TMEM71: variants seen among roughly 807,000 people sequenced by gnomAD.
TMEM71 encodes transmembrane protein 71.
Under a neutral mutation model 38.0 loss-of-function variants are expected in TMEM71, and 44 were observed. The observed-to-expected ratio is 1.16, with a 90% confidence interval of 0.91 to 1.49. The LOEUF (loss-of-function observed/expected upper bound fraction) is 1.49. Ranked by LOEUF, TMEM71 falls within the 40% of genes most tolerant of loss-of-function variation. The probability of loss-of-function intolerance (pLI) is 0.00; values close to 1 mark genes in which losing one functional copy is unlikely to be tolerated. For synonymous variants in TMEM71, 133 were observed against 122.5 expected, an observed-to-expected ratio of 1.09 and a Z score of -0.56; for missense variants, 367 against 348.6, an observed-to-expected ratio of 1.05 and a Z score of -0.42.
At chr8:132,757,410 G>A (rs1829085881) in intron 2 of TMEM71, 116 bp from the exon 3 acceptor site, 7 of 697,708 alleles carry the variant, frequency 1.0e-5, no homozygotes, top group Non-Finnish European at 1.5e-5. Context: ...AAGAAGATGG[G>A]AATAGCTGAT....
intron 2 of TMEM71, 56 bp downstream of exon 2, chr8:132,758,784 A>G (rs1829171513): frequency 6.7e-7 from 1 of 1,497,948 alleles, no homozygotes; most frequent in Non-Finnish European, 9.3e-7. Flanking sequence ...GGAAATTGCT[A>G]AAAGGAGTCT....
rs747104486 is a variant in TMEM71 at position 132,747,030 on chromosome 8, A to G, written c.399T>C (p.Ser133=). ...LSTSKSWLHG[S]IFGDINSSPS... ...GAGAAGAGTTGATGTCACCAAAGAT[A>G]CTTCCATGCAGCCAAGATTTGGAGG... is the stretch of plus-strand genomic sequence containing the variant. Residue 133 remains serine, a synonymous_variant, in exon 5 of 10, where the codon AGT becomes AGC. Transcript: ENST00000677595. The G allele has an allele frequency of 1.2e-6, 2 of 1,613,834 alleles. No individual in the cohort carries two copies. The highest frequency in any genetic ancestry group is 2.2e-5 in the South Asian group (2 of 91,036).
intron 5 of TMEM71, among the ~76,000 whole-genome samples, chr8:132,733,374 G>A (rs1307311672): frequency 2.6e-5 from 4 of 152,128 alleles, no homozygotes; most frequent in African/African-American, 9.7e-5. Context: ...GTTATAACAG[G>A]GTACAGTAAC....
At chr8:132,739,317 T>C (rs1208624038) in intron 5 of TMEM71, among the ~76,000 whole-genome samples, 2 of 152,052 alleles carry the variant, frequency 1.3e-5, no homozygotes, top group Non-Finnish European at 2.9e-5. Flanking sequence ...TTTTTGTTTT[T>C]GTTTTTGTTT....
chr8:132,756,907 A>T (rs1829049693), intron 3 of TMEM71, among the ~76,000 whole-genome samples: 1 of 151,454 alleles, frequency 6.6e-6, no homozygotes, highest in East Asian at 1.9e-4. Context: ...TTTTTTTTTT[A>T]GACAAGTCTC....
chr8:132,738,403 T>C (rs1323788976), intron 5 of TMEM71, among the ~76,000 whole-genome samples: 2 of 152,194 alleles, frequency 1.3e-5, no homozygotes, highest in African/African-American at 2.4e-5. Flanking sequence ...CTATATTCTA[T>C]CTATCACTAA....
chr8:132,728,709 A>G (rs1256911560), intron 5 of TMEM71, among the ~76,000 whole-genome samples: 1 of 152,232 alleles, frequency 6.6e-6, no homozygotes, highest in Admixed American at 6.5e-5. Context: ...ACCAAACTTT[A>G]CAGCAGTCAA....
intron 2 of TMEM71, among the ~76,000 whole-genome samples, chr8:132,757,781 G>T (rs1378320878): frequency 6.8e-6 from 1 of 146,942 alleles, no homozygotes. Context: ...AGCTGAGATC[G>T]CTCCACTGCA....
chr8:132,708,674 C>A (rs1428808186), downstream of TMEM71, among the ~76,000 whole-genome samples: 1 of 152,132 alleles, frequency 6.6e-6, no homozygotes, highest in Non-Finnish European at 1.5e-5. Flanking sequence ...GACTAGATTA[C>A]CTTATGTGGC....
chr8:132,740,201 C>T (rs1469766164), intron 5 of TMEM71, among the ~76,000 whole-genome samples: 1 of 152,122 alleles, frequency 6.6e-6, no homozygotes, highest in Non-Finnish European at 1.5e-5. Flanking sequence ...TATCCCCCCT[C>T]ACTCACTCAG....
At chr8:132,721,671 TG>T (rs1826857125) in intron 7 of TMEM71, among the ~76,000 whole-genome samples, 1 of 151,736 alleles carries the variant, frequency 6.6e-6, no homozygotes, top group South Asian at 2.1e-4. Context: ...CTCAGCCTCC[TG>T]AGTAGCTGGC....
the TMEM71 span, among the ~76,000 whole-genome samples, chr8:132,766,790 A>T: frequency 1.2e-4 from 9 of 76,844 alleles, no homozygotes; most frequent in East Asian, 3.7e-4. Context: ...GTCTAAAAAA[A>T]AAAAATAAAA....
At chr8:132,756,411 T>TATATATATATATATATA (rs1554619985) in intron 3 of TMEM71, among the ~76,000 whole-genome samples, 1 of 115,836 alleles carries the variant, frequency 8.6e-6, no homozygotes, top group African/African-American at 4.1e-5. Context: ...AACATATATA[T>TATATATATATATATATA]TATATATATA....
chr8:132,741,730 T>A (rs943193730), intron 5 of TMEM71, among the ~76,000 whole-genome samples: 6 of 152,088 alleles, frequency 3.9e-5, no homozygotes, highest in Non-Finnish European at 5.9e-5. Flanking sequence ...GAATGGAACA[T>A]GAAGGCGGAC....
chr8:132,757,300 T>C lies in TMEM71; in HGVS notation c.41-6A>G. On this transcript the variant is annotated splice_polypyrimidine_tract_variant and splice_region_variant and intron_variant, in intron 2 of 9. Coordinates refer to ENST00000677595, the MANE Select transcript of TMEM71 (RefSeq NM_001382403.1). The stretch of plus-strand genomic sequence containing the variant: ...TCTTTCCAACCTGGAAGAACCTGCA[T>C]AAACAAATGAGAGAGAAGTAGAATG... The C allele has an allele frequency of 1.3e-6, 2 of 1,585,172 alleles. No homozygotes were observed. The highest frequency in any genetic ancestry group is 1.7e-6 in the Non-Finnish European group (2 of 1,163,010).
At chr8:132,772,705 T>C in the TMEM71 span, among the ~76,000 whole-genome samples, 1 of 152,156 alleles carries the variant, frequency 6.6e-6, no homozygotes, top group Non-Finnish European at 1.5e-5. Flanking sequence ...ATGACTATGA[T>C]AATATAAAAA....
downstream of TMEM71, chr8:132,709,903 A>T (rs1826155087): frequency 2.0e-5 from 3 of 152,106 alleles, no homozygotes; most frequent in Admixed American, 1.3e-4. Context: ...TTCTCAAAAA[A>T]ATATATATAT....
In TMEM71 at chr8:132,727,799, T is replaced by G; in HGVS notation, c.675A>C (p.Ser225=). The G allele has an allele frequency of 6.2e-7, 1 of 1,604,282 alleles. No homozygotes were observed. The highest frequency in any genetic ancestry group is 8.5e-7 in the Non-Finnish European group (1 of 1,175,634). ...AATATTTAAAACACCTGAACTCACC[T>G]GAATGATCCGAACTATTCTCTTGGA... ...ERFQENSSDH[S]ETRLLQEVFF... is the part of the protein sequence containing the mutation. Residue 225 remains serine (S), a splice_region_variant and synonymous_variant, in exon 6 of 10, where the codon TCA becomes TCC. Coordinates refer to ENST00000677595, the MANE Select transcript of TMEM71 (RefSeq NM_001382403.1).
upstream of TMEM71, among the ~76,000 whole-genome samples, chr8:132,762,461 C>A (rs1397545545): frequency 5.9e-5 from 9 of 151,652 alleles, no homozygotes; most frequent in Non-Finnish European, 1.2e-4. Context: ...GAGCTCACAT[C>A]AGAAAGACTT....
Sources: allele counts gnomAD v4.1 joint callset (sites outside exome capture counted in the v4.1 genomes callset), GRCh38; gene constraint gnomAD v4.1.1; transcripts MANE v1.5; gene names NCBI Gene and HGNC (gene_info 2026-07-23, HGNC 2026-07-21).